The following CDKL5 variants were observed in gnomAD, a reference collection of about 807,000 sequenced individuals.
CDKL5 encodes the protein cyclin dependent kinase like 5, also known as cyclin-dependent kinase-like 5.
In CDKL5, 8 loss-of-function variants were observed where a neutral mutation model predicts 61.7. The ratio of observed to expected loss-of-function variants is 0.13; its 90% CI spans 0.08 to 0.23. The LOEUF is 0.23. Ranked by LOEUF, CDKL5 falls within the 10% of genes least tolerant of loss-of-function variation. The pLI, the probability that CDKL5 is intolerant of heterozygous loss-of-function variation, is 1.00. For missense variants in CDKL5, 440 were observed against 734.5 expected, an observed-to-expected ratio of 0.60 and a Z score of 4.63; for synonymous variants, 275 against 272.3, an observed-to-expected ratio of 1.01 and a Z score of -0.10.
At chrX:18,547,371 C>A (rs140268434) in intron 3 of CDKL5, among the ~76,000 whole-genome samples, 205 of 112,130 alleles carry the variant, frequency 1.8e-3, no homozygotes, top group Middle Eastern at 4.6e-3. Context: ...CATTCTTTTC[C>A]TGAATTCCTC....
chrX:18,571,859 T>C (rs1315854717), intron 4 of CDKL5, among the ~76,000 whole-genome samples: 2 of 111,781 alleles, frequency 1.8e-5, no homozygotes, highest in African/African-American at 6.5e-5. Flanking sequence ...ACCTCAACTT[T>C]TAATACTATG....
At chrX:18,595,223 T>C in intron 9 of CDKL5, 125 bp from the exon 10 acceptor site, 1 of 536,213 alleles carries the variant, frequency 1.9e-6, no homozygotes, top group East Asian at 3.5e-5. Context: ...AAAAGTAATA[T>C]ACAAGTATGA....
chrX:18,427,990 G>A (rs1166480017), intron 1 of CDKL5, among the ~76,000 whole-genome samples: 3 of 111,799 alleles, frequency 2.7e-5, no homozygotes, highest in Admixed American at 9.6e-5. Context: ...TTGCAGGGCC[G>A]TCTCGCATAG....
rs1158710518 is a variant in CDKL5, at chrX:18,633,854, C to G, written c.*5097C>G. On this transcript the variant is annotated 3_prime_UTR_variant, in exon 18 of 18. Transcript: ENST00000623535. Reference sequence around the variant, plus strand: ...CCTTTCTCCTCTCCGGGCACTGACCCCACCTTTCCGTGTATTTACTGTAGG... The same window carrying G: ...CCTTTCTCCTCTCCGGGCACTGACCGCACCTTTCCGTGTATTTACTGTAGG... 1 of 752,096 alleles carries G rather than the reference C, an allele frequency of 1.3e-6. No individual in the cohort carries two copies. Among genetic ancestry groups the G allele is most frequent in the African/African-American group, 2.3e-5 (1 of 43,042 alleles). The allele number at this position is 752,096 out of a possible 1,213,427, so 62.0% of individuals were successfully genotyped here. A position where few individuals can be genotyped will look rare whatever the true frequency, so the allele number is the denominator to read the frequency against.
chrX:18,595,306 C>T, intron 9 of CDKL5, 42 bp from the exon 10 acceptor site: 1 of 947,829 alleles, frequency 1.1e-6, no homozygotes, highest in Non-Finnish European at 1.5e-6. Context: ...ACACACATGT[C>T]CTTCCCCAAA....
chrX:18,566,652 A>G (rs1924978878), intron 4 of CDKL5, among the ~76,000 whole-genome samples: 1 of 111,999 alleles, frequency 8.9e-6, no homozygotes, highest in South Asian at 3.7e-4. Flanking sequence ...CAAGAAGCAT[A>G]TGACCTATTA....
chrX:18,478,890 A>G (rs745493504), intron 1 of CDKL5, among the ~76,000 whole-genome samples: 3 of 108,742 alleles, frequency 2.8e-5, no homozygotes, highest in African/African-American at 6.7e-5. Context: ...CAATTTTTGT[A>G]TTTTTAGTAG....
intron 1 of CDKL5, among the ~76,000 whole-genome samples, chrX:18,502,003 G>A (rs1236093029): frequency 5.4e-5 from 6 of 112,004 alleles, no homozygotes; most frequent in Non-Finnish European, 1.1e-4. Context: ...TTTCAAACCA[G>A]CCGTAGAAAA....
In CDKL5 at chrX:18,535,669, C is replaced by T. The variant is rs759176659; in HGVS notation, c.99+24815C>T. ...ACATTAAGTGGACTGCTTACTCTCTCGCCCCCGGAGAAAAGCACCTTCATC... is the reference window on the plus strand; with the variant it reads ...ACATTAAGTGGACTGCTTACTCTCTTGCCCCCGGAGAAAAGCACCTTCATC... On this transcript the variant is annotated intron_variant, in intron 3 of 17. Transcript: ENST00000623535. 5.2e-5 allele frequency: 8 copies of T among 153,176 alleles called. No homozygotes were observed. The East Asian group carries it at 1.1e-3, about 21-fold the overall frequency. 12.6% of individuals were successfully genotyped at this position (153,176 alleles called of 1,213,427 possible).
chrX:18,630,636 A>G lies in CDKL5; in HGVS notation c.*1879A>G. The stretch of plus-strand genomic sequence containing the variant: ...ATTGCATTTTTATATAAATACTATA[A>G]TGTGTATTGATTATATAGATAGGTC... On this transcript the variant is annotated 3_prime_UTR_variant, in exon 18 of 18. Coordinates refer to ENST00000623535, the MANE Select transcript of CDKL5 (RefSeq NM_001323289.2). The G allele has an allele frequency of 1.4e-6, 1 of 725,058 alleles. No individual in the cohort carries two copies. Among genetic ancestry groups the G allele is most frequent in the Non-Finnish European group, 1.6e-6 (1 of 613,306 alleles). 59.8% of individuals were successfully genotyped at this position (725,058 alleles called of 1,213,427 possible). A position where few individuals can be genotyped will look rare whatever the true frequency, so the allele number is the denominator to read the frequency against.
chrX:18,625,353 A>G, intron 17 of CDKL5, 106 bp downstream of exon 17: 1 of 870,579 alleles, frequency 1.1e-6, no homozygotes, highest in Non-Finnish European at 1.7e-6. Context: ...TGTTACAGTA[A>G]GGCTGAGCAC....
chrX:18,445,736 G>T (rs1452347254), intron 1 of CDKL5, among the ~76,000 whole-genome samples: 2 of 111,441 alleles, frequency 1.8e-5, no homozygotes, highest in Non-Finnish European at 3.8e-5. Flanking sequence ...GAAGGTGCCT[G>T]CTTCCCCTTC....
intron 3 of CDKL5, among the ~76,000 whole-genome samples, chrX:18,533,687 T>C (rs1923724825): frequency 9.0e-6 from 1 of 111,694 alleles, no homozygotes; most frequent in East Asian, 2.8e-4. Context: ...TACTTCATGC[T>C]ATCTGGGCTG....
At chrX:18,510,357 G>T (rs1192070089) in intron 2 of CDKL5, among the ~76,000 whole-genome samples, 1 of 111,991 alleles carries the variant, frequency 8.9e-6, no homozygotes, top group Non-Finnish European at 1.9e-5. Context: ...TTTTTGCCAT[G>T]TTGGCCAGGC....
In CDKL5 at chrX:18,633,139, A is replaced by G. The variant is rs946321163; in HGVS notation, c.*4382A>G. The G allele has an allele frequency of 5.3e-6, 4 of 752,407 alleles. No homozygotes were observed. The African/African-American group carries it at 7.0e-5, about 13-fold the overall frequency. 62.0% of individuals were successfully genotyped at this position (752,407 alleles called of 1,213,427 possible). On this transcript the variant is annotated 3_prime_UTR_variant, in exon 18 of 18. Transcript: ENST00000623535. The stretch of plus-strand genomic sequence containing the variant: ...GTTTCCTGGAGAGCATTGCTTTTCT[A>G]TCTAGAAGTTCGTTACCTCCTGCAT...
At chrX:18,616,100 G>A (rs990459963) in intron 15 of CDKL5, among the ~76,000 whole-genome samples, 2 of 111,574 alleles carry the variant, frequency 1.8e-5, no homozygotes, top group African/African-American at 6.5e-5. Context: ...GTCAGGGCAA[G>A]AAATAGTTCA....
intron 1 of CDKL5, among the ~76,000 whole-genome samples, chrX:18,449,418 G>A (rs1931956344): frequency 8.9e-6 from 1 of 111,992 alleles, no homozygotes; most frequent in Non-Finnish European, 1.9e-5. Flanking sequence ...CATCATGGCC[G>A]AGAATGTCTT....
chrX:18,546,342 A>T (rs751598588), intron 3 of CDKL5, among the ~76,000 whole-genome samples: 3 of 104,289 alleles, frequency 2.9e-5, no homozygotes, highest in Non-Finnish European at 5.9e-5. Flanking sequence ...GCTCACTGCA[A>T]TCTCCGCCTC....
At chrX:18,599,058 G>T (rs889454978) in intron 11 of CDKL5, among the ~76,000 whole-genome samples, 1 of 112,725 alleles carries the variant, frequency 8.9e-6, no homozygotes. Flanking sequence ...TGGCTCTACA[G>T]AGAGGTCTTG....
Sources: allele counts gnomAD v4.1 joint callset (sites outside exome capture counted in the v4.1 genomes callset), GRCh38; gene constraint gnomAD v4.1.1; transcripts MANE v1.5; gene names NCBI Gene and HGNC (gene_info 2026-07-23, HGNC 2026-07-21).